The following CLIC5 variants were observed in gnomAD, a reference collection of about 807,000 sequenced individuals.
CLIC5 encodes CLIC family member 5, also known as chloride intracellular channel protein 5.
In CLIC5, 20 loss-of-function variants were observed where a neutral mutation model predicts 24.7. The ratio of observed to expected loss-of-function variants is 0.81; its 90% CI spans 0.57 to 1.18. CLIC5 has a LOEUF of 1.18. Ranked by LOEUF, CLIC5 falls within the 50% of genes most tolerant of loss-of-function variation. The probability of loss-of-function intolerance (pLI) is 0.00; values close to 1 mark genes in which losing one functional copy is unlikely to be tolerated. For missense variants in CLIC5, 341 were observed against 326.1 expected (o/e 1.05, Z -0.35); for synonymous variants, 159 against 135.6 (o/e 1.17, Z -1.20).
At chr6:45,942,160 C>T (rs932528659) in intron 3 of CLIC5, among the ~76,000 whole-genome samples, 1 of 152,212 alleles carries the variant, frequency 6.6e-6, no homozygotes, top group Non-Finnish European at 1.5e-5. Flanking sequence ...AGAATACCCA[C>T]GGTCCTCTTC....
chr6:46,016,679 C>G (rs192937495), upstream of CLIC5, among the ~76,000 whole-genome samples: 5 of 152,300 alleles, frequency 3.3e-5, no homozygotes, highest in Admixed American at 3.3e-4. Flanking sequence ...CCAACCCACC[C>G]ATGTAACGAG....
At chr6:45,913,378 C>A (rs572071525) in intron 5 of CLIC5, among the ~76,000 whole-genome samples, 1 of 152,136 alleles carries the variant, frequency 6.6e-6, no homozygotes, top group Non-Finnish European at 1.5e-5. Flanking sequence ...GAGGTGAAGG[C>A]AAGCAAAGCT....
intron 1 of CLIC5, among the ~76,000 whole-genome samples, chr6:45,972,194 TTCTC>T (rs1334507055): frequency 2.6e-5 from 4 of 152,168 alleles, no homozygotes; most frequent in Non-Finnish European, 5.9e-5. Flanking sequence ...AAGATGTGTT[TTCTC>T]TCTATCTTTT....
chr6:45,967,410 T>TG (rs905297803), intron 1 of CLIC5, among the ~76,000 whole-genome samples: 19 of 151,726 alleles, frequency 1.3e-4, no homozygotes, highest in African/African-American at 4.6e-4. Flanking sequence ...ATGGGTGGAG[T>TG]GGGGACAGGA....
At chr6:46,004,078 A>G (rs995703342) in intron 1 of CLIC5, among the ~76,000 whole-genome samples, 2 of 152,236 alleles carry the variant, frequency 1.3e-5, no homozygotes, top group African/African-American at 2.4e-5. Flanking sequence ...AAGGAATGCA[A>G]GAATAGTTTC....
chr6:46,086,682 G>T, the CLIC5 span, among the ~76,000 whole-genome samples: 1 of 152,210 alleles, frequency 6.6e-6, no homozygotes, highest in African/African-American at 2.4e-5. Context: ...TTAAATTCCA[G>T]CTGGATTCCA....
Position 45,974,497 on chromosome 6 carries a change from G to GTGTATA in CLIC5, c.64-19254_64-19253insTATACA, listed in dbSNP as rs1192750031. Among the ~76,000 whole-genome samples the GTGTATA allele has an allele frequency of 3.9e-3, 296 of 75,626 alleles. 9 individuals are homozygous for GTGTATA. The highest frequency in any genetic ancestry group is 8.3e-3 in the Middle Eastern group (1 of 120). The allele number at this position is 75,626 out of a possible 152,430, so 49.6% of individuals were successfully genotyped here. A position where few individuals can be genotyped will look rare whatever the true frequency, so the allele number is the denominator to read the frequency against. Reference sequence around the variant, plus strand: ...AGTGTTTACTACTGTGTGTGTGTGTGTATATATATATATATATATATATAT... The same window carrying GTGTATA: ...AGTGTTTACTACTGTGTGTGTGTGTGTGTATATATATATATATATATATATATATAT... On this transcript the variant is annotated intron_variant, in intron 1 of 5. Transcript: ENST00000339561.
chr6:46,034,389 G>A (rs1262388784), intron 1 of CLIC5, among the ~76,000 whole-genome samples: 2 of 152,182 alleles, frequency 1.3e-5, no homozygotes, highest in African/African-American at 2.4e-5. Context: ...CCTGAGCTGG[G>A]AAATAATCTC....
Position 45,955,181 on chromosome 6 carries a change from A to G in CLIC5, c.127T>C (p.Trp43Arg). 1 of 1,614,086 alleles carries G rather than the reference A, an allele frequency of 6.2e-7. No homozygotes were observed. ...ACATTGAACACGACTCCTTTCAGCC[A>G]GAGGATCATGAAGAGGCGCTGAGAG... ...PFSQRLFMIL[W>R]LKGVVFNVTT... is the part of the protein sequence containing the mutation. Residue 43 changes from tryptophan (W) to arginine (R), a missense_variant, in exon 2 of 6, where the codon TGG (tryptophan) becomes CGG (arginine). Coordinates refer to ENST00000339561, the MANE Select transcript of CLIC5 (RefSeq NM_016929.5).
rs1294305115 is a variant in CLIC5, at chr6:45,936,088, G to A, written c.406+5459C>T. Among the ~76,000 whole-genome samples, 9 of 151,192 alleles carry A rather than the reference G, an allele frequency of 6.0e-5. No homozygotes were observed. In the South Asian group the frequency reaches 1.3e-3, roughly 21 times the overall value. On this transcript the variant is annotated intron_variant, in intron 4 of 5. Coordinates refer to ENST00000339561, the MANE Select transcript of CLIC5 (RefSeq NM_016929.5). ...TCTATGTGATTGATCCTTGGGCATC[G>A]TCTTAATCATCTAAAGATGTATAAC...
At position 45,966,976 on chromosome 6, in the gene CLIC5, G is replaced by C. The variant is rs935515690; in HGVS notation, c.64-11732C>G. 3.3e-5 allele frequency among the ~76,000 whole-genome samples: 5 copies of C among 152,190 alleles called. No homozygotes were observed. In the East Asian group the frequency reaches 7.7e-4, roughly 23 times the overall value. Reference sequence around the variant, plus strand: ...GGGTGACAGAGTGTGCTGTGACCGGGTACAGAAACCCTAGTCACTGGGCTC... The same window carrying C: ...GGGTGACAGAGTGTGCTGTGACCGGCTACAGAAACCCTAGTCACTGGGCTC... On this transcript the variant is annotated intron_variant, in intron 1 of 5. Transcript: ENST00000339561.
intron 1 of CLIC5, among the ~76,000 whole-genome samples, chr6:46,057,234 G>A (rs949535493): frequency 6.6e-6 from 1 of 152,218 alleles, no homozygotes; most frequent in African/African-American, 2.4e-5. Flanking sequence ...GAGGGACCCA[G>A]GGGGAGGTAA....
At position 45,975,430 on chromosome 6, in the gene CLIC5, T is replaced by C. The variant is rs556955565; in HGVS notation, c.64-20186A>G. On this transcript the variant is annotated intron_variant, in intron 1 of 5. Coordinates refer to ENST00000339561, the MANE Select transcript of CLIC5 (RefSeq NM_016929.5). ...ATTCGATATGCAACTGAAACAAAAG[T>C]ATTTCTGTCAAAGTTAAAATGTATA... Among the ~76,000 whole-genome samples the C allele has an allele frequency of 1.2e-4, 18 of 152,232 alleles. 1 individual carries two copies. The East Asian group carries it at 2.9e-3, about 24-fold the overall frequency.
chr6:46,057,752 G>T (rs1402831174), intron 1 of CLIC5, among the ~76,000 whole-genome samples: 1 of 152,152 alleles, frequency 6.6e-6, no homozygotes, highest in Non-Finnish European at 1.5e-5. Context: ...AACTAGCCAG[G>T]TGCCCTCATA....
At chr6:46,111,671 G>C in the CLIC5 span, among the ~76,000 whole-genome samples, 2 of 152,044 alleles carry the variant, frequency 1.3e-5, no homozygotes, top group Non-Finnish European at 2.9e-5. Context: ...TCTCTCCAAA[G>C]TTATCAACTA....
the CLIC5 span, among the ~76,000 whole-genome samples, chr6:46,124,532 T>C: frequency 6.6e-6 from 1 of 152,158 alleles, no homozygotes; most frequent in African/African-American, 2.4e-5. Context: ...ACTTCATGTC[T>C]GAAACACCAA....
At chr6:46,080,999 A>G (rs565696986), upstream of CLIC5, among the ~76,000 whole-genome samples, 4 of 152,304 alleles carry the variant, frequency 2.6e-5, no homozygotes, top group African/African-American at 4.8e-5. Context: ...CTAAAATCCT[A>G]TCATATACAG....
intron 1 of CLIC5, among the ~76,000 whole-genome samples, chr6:45,957,788 A>G (rs1299983555): frequency 1.3e-5 from 2 of 152,158 alleles, no homozygotes; most frequent in Non-Finnish European, 2.9e-5. Context: ...AAATCCCAAC[A>G]GCCTTGCGGC....
chr6:45,920,942 C>G (rs186669921), intron 4 of CLIC5, among the ~76,000 whole-genome samples: 6 of 152,196 alleles, frequency 3.9e-5, no homozygotes, highest in African/African-American at 1.2e-4. Context: ...TCCCCTCCCC[C>G]ACCAGAAAAC....
Sources: allele counts gnomAD v4.1 joint callset (sites outside exome capture counted in the v4.1 genomes callset), GRCh38; gene constraint gnomAD v4.1.1; transcripts MANE v1.5; gene names NCBI Gene and HGNC (gene_info 2026-07-23, HGNC 2026-07-21).